CCDC93: variants seen among roughly 807,000 people sequenced by gnomAD.
CCDC93 encodes CCC complex scaffolding subunit CCDC93.
A neutral mutation model predicts 108.2 loss-of-function variants in CCDC93; 61 were observed. The observed-to-expected ratio is 0.56, with a 90% CI of 0.46 to 0.70. CCDC93 has a LOEUF of 0.70. CCDC93 is among the 30% of genes least tolerant of loss of function. The pLI, the probability that CCDC93 is intolerant of heterozygous loss-of-function variation, is 0.00. For synonymous variants in CCDC93, 276 were observed against 260.4 expected (o/e 1.06, Z -0.58); for missense variants, 685 against 764.2 (o/e 0.90, Z 1.22).
rs1308966794 is a variant in CCDC93 at position 117,919,773 on chromosome 2, G to A, written c.*570C>T. On this transcript the variant is annotated 3_prime_UTR_variant, in exon 24 of 24. Transcript: ENST00000376300. The stretch of plus-strand genomic sequence containing the variant: ...AGGAGCTGGGAACAAAAGGTACCAT[G>A]GCAGGTGAAAGGCCCAAGTGACCAA... 6.6e-6 allele frequency: 1 copy of A among 152,212 alleles called. No individual in the cohort carries two copies. Among genetic ancestry groups the A allele is most frequent in the Non-Finnish European group, 1.5e-5 (1 of 68,046 alleles). 9.4% of individuals were successfully genotyped at this position (152,212 alleles called of 1,614,324 possible). A position where few individuals can be genotyped will look rare whatever the true frequency, so the allele number is the denominator to read the frequency against.
intron 22 of CCDC93, among the ~76,000 whole-genome samples, chr2:117,932,165 C>T (rs189606480): frequency 5.1e-4 from 78 of 152,158 alleles, no homozygotes; most frequent in African/African-American, 1.7e-3. Context: ...GGAAGGTAAA[C>T]CCAGAGAATC....
intron 11 of CCDC93, among the ~76,000 whole-genome samples, chr2:117,970,336 G>A (rs1306202234): frequency 6.6e-6 from 1 of 152,014 alleles, no homozygotes; most frequent in Non-Finnish European, 1.5e-5. Context: ...TTAGGCTAAA[G>A]AAGAATAAAT....
intron 20 of CCDC93, among the ~76,000 whole-genome samples, chr2:117,938,605 G>A (rs1314244303): frequency 6.7e-6 from 1 of 149,220 alleles, no homozygotes; most frequent in African/African-American, 2.5e-5. Context: ...TTTCACCCCT[G>A]CTTTGAATTT....
In CCDC93 at chr2:117,915,868, C is replaced by T. The variant is rs1016906968; in HGVS notation, c.*4475G>A. 6.6e-6 allele frequency: 1 copy of T among 152,302 alleles called. No homozygotes were observed. The highest frequency in any genetic ancestry group is 2.4e-5 in the African/African-American group (1 of 41,580). 9.4% of individuals were successfully genotyped at this position (152,302 alleles called of 1,614,324 possible). On this transcript the variant is annotated 3_prime_UTR_variant, in exon 24 of 24. Coordinates refer to ENST00000376300, the MANE Select transcript of CCDC93 (RefSeq NM_019044.5). ...CCTCACTTAATCATGCATCTTGGGG[C>T]CCATTCTATGGTAGTACACACACAC... is the stretch of plus-strand genomic sequence containing the variant.
At chr2:118,001,831 A>C (rs1676705411) in intron 3 of CCDC93, among the ~76,000 whole-genome samples, 2 of 152,152 alleles carry the variant, frequency 1.3e-5, no homozygotes, top group Admixed American at 1.3e-4. Flanking sequence ...CTCCTTCTCG[A>C]ATCAGTTGGC....
intron 22 of CCDC93, 32 bp downstream of exon 22, chr2:117,935,463 T>A: frequency 6.5e-7 from 1 of 1,528,418 alleles, no homozygotes; most frequent in African/African-American, 1.4e-5. Context: ...CTATAAAACC[T>A]GGGCTGCATT....
At position 117,917,396 on chromosome 2, in the gene CCDC93, C is replaced by T. The variant is rs1237712306; in HGVS notation, c.*2947G>A. On this transcript the variant is annotated 3_prime_UTR_variant, in exon 24 of 24. Transcript: ENST00000376300. ...GCCTCTGCTCAAGGTTTCAGGAGGT[C>T]CCGAGGGCTCGGTATTGTCAGAGAA... is the stretch of plus-strand genomic sequence containing the variant. 6.5e-6 allele frequency: 1 copy of T among 152,686 alleles called. No individual in the cohort carries two copies. Among genetic ancestry groups the T allele is most frequent in the African/African-American group, 2.4e-5 (1 of 41,422 alleles). 9.5% of individuals were successfully genotyped at this position (152,686 alleles called of 1,614,324 possible).
intron 6 of CCDC93, 91 bp from the exon 7 acceptor site, chr2:117,986,160 C>CT (rs763304100): frequency 0.2 from 54,872 of 274,008 alleles, 2,918 homozygotes; most frequent in East Asian, 0.29. Context: ...GGTATATTCT[C>CT]TTTTTTTTTT....
At chr2:117,964,278 C>T (rs1432431284) in intron 11 of CCDC93, among the ~76,000 whole-genome samples, 1 of 152,154 alleles carries the variant, frequency 6.6e-6, no homozygotes, top group South Asian at 2.1e-4. Context: ...CCAGACAAAA[C>T]CAGCTAATTC....
Position 118,008,635 on chromosome 2 carries a change from T to C in CCDC93, c.66A>G (p.Glu22=), listed in dbSNP as rs747844112. The C allele has an allele frequency of 7.8e-5, 125 of 1,612,052 alleles. No individual in the cohort carries two copies. The highest frequency in any genetic ancestry group is 4.9e-4 in the Middle Eastern group (3 of 6,080). The change falls in exon 2 of 24, where the codon GAA becomes GAG. Residue 22 remains glutamate, a synonymous_variant. Coordinates refer to ENST00000376300, the MANE Select transcript of CCDC93 (RefSeq NM_019044.5). ...GAATTTCAGTCAACTTGACATTTTGTTCTTCATCTTCTCTTGTTTCCACCT... is the reference window on the plus strand; with the variant it reads ...GAATTTCAGTCAACTTGACATTTTGCTCTTCATCTTCTCTTGTTTCCACCT... ...LPEVETREDE[E]QNVKLTEILE...
In CCDC93 at chr2:118,009,350, G is replaced by C. The variant is rs148229788; in HGVS notation, c.43-692C>G. On this transcript the variant is annotated intron_variant, in intron 1 of 23. Transcript: ENST00000376300. ...CGTACCACCGTACTCCAGCCTGGACGACAGAGCAAGACTCTGTCTCAAAAA... is the reference window on the plus strand; with the variant it reads ...CGTACCACCGTACTCCAGCCTGGACCACAGAGCAAGACTCTGTCTCAAAAA... Among the ~76,000 whole-genome samples, 94 of 152,020 alleles carry C rather than the reference G, an allele frequency of 6.2e-4. 1 individual carries two copies. The East Asian group carries it at 0.015, about 24-fold the overall frequency.
rs781134846 is a variant in CCDC93 at position 117,996,260 on chromosome 2, T to C, written c.462+4A>G. ...GGACAAGAAAATAAAATCACAATAC[T>C]GACCTCAGGGAGACTGTAAGTCTTC... On this transcript the variant is annotated splice_donor_region_variant and intron_variant, in intron 5 of 23. Coordinates refer to ENST00000376300, the MANE Select transcript of CCDC93 (RefSeq NM_019044.5). The C allele has an allele frequency of 2.5e-6, 4 of 1,577,358 alleles. No homozygotes were observed. Among genetic ancestry groups the C allele is most frequent in the Admixed American group, 3.3e-5 (2 of 59,922 alleles).
At chr2:117,965,155 C>T (rs1283735964) in intron 11 of CCDC93, among the ~76,000 whole-genome samples, 1 of 152,024 alleles carries the variant, frequency 6.6e-6, no homozygotes, top group African/African-American at 2.4e-5. Flanking sequence ...TTTTAGACCC[C>T]CAAACCCTCC....
chr2:117,963,641 T>C (rs1679463221), intron 11 of CCDC93, among the ~76,000 whole-genome samples: 2 of 152,242 alleles, frequency 1.3e-5, no homozygotes, highest in Admixed American at 6.5e-5. Context: ...TGGGTCCCAC[T>C]GTGAGTAATG....
At chr2:117,955,014 T>C (rs892792758) in intron 12 of CCDC93, among the ~76,000 whole-genome samples, 2 of 152,200 alleles carry the variant, frequency 1.3e-5, no homozygotes, top group Non-Finnish European at 2.9e-5. Flanking sequence ...ATTAAACCTC[T>C]TTCCTTTATA....
Position 117,962,857 on chromosome 2 carries a change from C to T in CCDC93, c.889-4376G>A, listed in dbSNP as rs192470033. Among the ~76,000 whole-genome samples, 1,105 of 152,168 alleles carry T rather than the reference C, an allele frequency of 7.3e-3. 7 individuals carry two copies. The highest frequency in any genetic ancestry group is 0.011 in the Non-Finnish European group (742 of 68,000). On this transcript the variant is annotated intron_variant, in intron 11 of 23. Transcript: ENST00000376300. ...ATCACAAGCTTTGATTTTTACAATT[C>T]AGTAACAACTTTTTACCACATAAAT... is the stretch of plus-strand genomic sequence containing the variant.
At position 117,940,724 on chromosome 2, in the gene CCDC93, C is replaced by T. The variant is rs1678674350; in HGVS notation, c.1522+465G>A. On this transcript the variant is annotated intron_variant, in intron 19 of 23. Coordinates refer to ENST00000376300, the MANE Select transcript of CCDC93 (RefSeq NM_019044.5). ...GGCAGCCTTGAGGGCCATTCTGAGC[C>T]TCATGAGACATGATCTCTTATTCAG... Among the ~76,000 whole-genome samples, 2 of 152,188 alleles carry T rather than the reference C, an allele frequency of 1.3e-5. 1 individual carries two copies. Among genetic ancestry groups the T allele is most frequent in the South Asian group, 4.2e-4 (2 of 4,818 alleles).
At chr2:117,937,963 G>A (rs577960415) in intron 20 of CCDC93, among the ~76,000 whole-genome samples, 19 of 152,318 alleles carry the variant, frequency 1.2e-4, no homozygotes, top group Admixed American at 1.2e-3. Context: ...AATTACAGAT[G>A]CCTCAATTTG....
chr2:117,924,472 CATG>C (rs1678004827), intron 23 of CCDC93, among the ~76,000 whole-genome samples: 1 of 152,144 alleles, frequency 6.6e-6, no homozygotes, highest in Non-Finnish European at 1.5e-5. Flanking sequence ...ATGAGAACTA[CATG>C]ATGAATGCAC....
Sources: gnomAD v4.1 joint callset for allele counts (sites outside exome capture counted in the v4.1 genomes callset) on GRCh38, gnomAD v4.1.1 for gene constraint, MANE v1.5 for transcripts, NCBI Gene and HGNC (gene_info 2026-07-23, HGNC 2026-07-21) for gene names.